The following NYAP2 variants were observed in gnomAD, a reference collection of about 807,000 sequenced individuals.
NYAP2 encodes the protein neuronal tyrosine-phosphorylated phosphoinositide-3-kinase adaptor 2, also known as neuronal tyrosine-phosphorylated phosphoinositide-3-kinase adapter 2.
A neutral mutation model predicts 50.4 loss-of-function variants in NYAP2; 23 were observed. The observed-to-expected ratio is 0.46, with a 90% CI of 0.33 to 0.65. NYAP2 has a LOEUF of 0.65. NYAP2 is among the 30% of genes least tolerant of loss of function. The pLI is 0.02. For synonymous variants in NYAP2, 394 were observed against 365.2 expected, an observed-to-expected ratio of 1.08 and a Z score of -0.90; for missense variants, 885 against 861.0, an observed-to-expected ratio of 1.03 and a Z score of -0.35.
chr2:225,615,732 A>G (rs1489346298), intron 5 of NYAP2, among the ~76,000 whole-genome samples: 1 of 152,018 alleles, frequency 6.6e-6, no homozygotes, highest in Non-Finnish European at 1.5e-5. Context: ...TGGATTCTGG[A>G]GCTGATTGGA....
chr2:225,420,646 C>A (rs1156654066), intron 3 of NYAP2, among the ~76,000 whole-genome samples: 2 of 149,808 alleles, frequency 1.3e-5, no homozygotes, highest in Admixed American at 6.7e-5. Flanking sequence ...GGGTCTCACT[C>A]TGCCACCCAG....
intron 4 of NYAP2, among the ~76,000 whole-genome samples, chr2:225,545,201 C>T (rs546217325): frequency 6.6e-6 from 1 of 152,044 alleles, no homozygotes; most frequent in Non-Finnish European, 1.5e-5. Flanking sequence ...TGTTCTATAA[C>T]CCTGTATCTG....
chr2:225,421,190 ATGAGTCACCACACCTAG>A (rs1302478100), intron 3 of NYAP2, among the ~76,000 whole-genome samples: 1 of 152,194 alleles, frequency 6.6e-6, no homozygotes, highest in East Asian at 1.9e-4. Flanking sequence ...GGAGACAGGC[ATGAGTCACCACACCTAG>A]TGAGAAGGCT....
chr2:225,446,246 C>CTCTCTCTCTATATATATA (rs1239402824), intron 3 of NYAP2, among the ~76,000 whole-genome samples: 2 of 82,280 alleles, frequency 2.4e-5, no homozygotes, highest in Admixed American at 3.1e-4. Flanking sequence ...CTCTCTCTCT[C>CTCTCTCTCTATATATATA]TATATATATA....
chr2:225,676,868 G>A, the NYAP2 span, among the ~76,000 whole-genome samples: 1 of 152,092 alleles, frequency 6.6e-6, no homozygotes, highest in Non-Finnish European at 1.5e-5. Flanking sequence ...ATTCTTTTTG[G>A]TTAGAATTGC....
At chr2:225,602,788 G>A (rs776738011) in intron 5 of NYAP2, among the ~76,000 whole-genome samples, 41 of 151,870 alleles carry the variant, frequency 2.7e-4, no homozygotes, top group Admixed American at 2.0e-4. Flanking sequence ...TTTATTACTG[G>A]GCTATTTTAT....
At chr2:225,435,500 C>T (rs1689360930) in intron 3 of NYAP2, among the ~76,000 whole-genome samples, 1 of 152,170 alleles carries the variant, frequency 6.6e-6, no homozygotes, top group Non-Finnish European at 1.5e-5. Context: ...TTTGACTTGA[C>T]TGGTCCAATA....
At chr2:225,631,487 T>C (rs550834275) in intron 6 of NYAP2, among the ~76,000 whole-genome samples, 1 of 152,316 alleles carries the variant, frequency 6.6e-6, no homozygotes, top group African/African-American at 2.4e-5. Flanking sequence ...AAGTTTTAAA[T>C]AATGAGATGG....
At chr2:225,449,259 T>C (rs577701585) in intron 3 of NYAP2, among the ~76,000 whole-genome samples, 1 of 152,312 alleles carries the variant, frequency 6.6e-6, no homozygotes, top group South Asian at 2.1e-4. Context: ...AACTATATAA[T>C]AGGGTAATAG....
At chr2:225,675,541 A>T in the NYAP2 span, among the ~76,000 whole-genome samples, 1 of 152,094 alleles carries the variant, frequency 6.6e-6, no homozygotes, top group Non-Finnish European at 1.5e-5. Context: ...AAAAAATCAA[A>T]TCCACTGTTT....
intron 3 of NYAP2, among the ~76,000 whole-genome samples, chr2:225,512,772 TTC>T (rs1167031661): frequency 2.0e-5 from 3 of 147,240 alleles, no homozygotes; most frequent in Admixed American, 2.0e-4. Flanking sequence ...CTTTCTCTTT[TTC>T]TCTTTTTCCC....
At chr2:225,556,754 G>T (rs779489145) in intron 4 of NYAP2, among the ~76,000 whole-genome samples, 50 of 152,112 alleles carry the variant, frequency 3.3e-4, no homozygotes, top group Admixed American at 1.3e-3. Flanking sequence ...AATTTTAATG[G>T]ATTTTTAACC....
intron 5 of NYAP2, among the ~76,000 whole-genome samples, chr2:225,597,512 A>AATTATATATATATATATAT (rs1553554328): frequency 1.7e-4 from 8 of 46,220 alleles, no homozygotes; most frequent in African/African-American, 4.7e-4. Context: ...TCCAAGGAGA[A>AATTATATATATATATATAT]ATATATATAT....
At chr2:225,510,663 G>C (rs906730272) in intron 3 of NYAP2, among the ~76,000 whole-genome samples, 1 of 152,066 alleles carries the variant, frequency 6.6e-6, no homozygotes, top group East Asian at 1.9e-4. Flanking sequence ...ATCCAAATTT[G>C]TTTTTGTCCT....
At chr2:225,605,504 T>C (rs1033097097) in intron 5 of NYAP2, among the ~76,000 whole-genome samples, 1 of 152,128 alleles carries the variant, frequency 6.6e-6, no homozygotes, top group East Asian at 1.9e-4. Flanking sequence ...TTTCTTTTCA[T>C]TTATAGAGCA....
chr2:225,483,025 G>A (rs1434148551), intron 3 of NYAP2, among the ~76,000 whole-genome samples: 1 of 152,162 alleles, frequency 6.6e-6, no homozygotes, highest in African/African-American at 2.4e-5. Context: ...TGTTGCTATA[G>A]TGCACCTGTT....
chr2:225,410,550 G>C (rs77116114), intron 3 of NYAP2, among the ~76,000 whole-genome samples: 1 of 151,946 alleles, frequency 6.6e-6, no homozygotes, highest in Non-Finnish European at 1.5e-5. Context: ...GTTTTTGAAA[G>C]TAACTTCAAA....
intron 4 of NYAP2, among the ~76,000 whole-genome samples, chr2:225,538,778 TTTTCTTTCTTTCTTTC>T (rs201335435): frequency 0.11 from 8,297 of 74,268 alleles, 463 homozygotes; most frequent in East Asian, 0.13. Flanking sequence ...TTTTCTTTTC[TTTTCTTTCTTTCTTTC>T]TTTCTTTCTT....
At chr2:225,532,979 T>C (rs553936466) in intron 4 of NYAP2, among the ~76,000 whole-genome samples, 1 of 152,240 alleles carries the variant, frequency 6.6e-6, no homozygotes, top group South Asian at 2.1e-4. Context: ...ATTCTCTCCC[T>C]TAAAAGTCAT....
Sources: allele counts gnomAD v4.1 joint callset (sites outside exome capture counted in the v4.1 genomes callset), GRCh38; gene constraint gnomAD v4.1.1; transcripts MANE v1.5; gene names NCBI Gene and HGNC (gene_info 2026-07-23, HGNC 2026-07-21).